NLGN1: variants seen among roughly 807,000 people sequenced by gnomAD.
NLGN1 encodes the protein neuroligin-1.
NLGN1 carries 12 observed loss-of-function variants against 65.5 expected under a neutral mutation model. The ratio of observed to expected loss-of-function variants is 0.18; its 90% confidence interval spans 0.12 to 0.30. The LOEUF is 0.30. Ranked by LOEUF, NLGN1 falls within the 10% of genes least tolerant of loss-of-function variation. NLGN1 has a pLI of 1.00. For missense variants in NLGN1, 750 were observed against 1,007.1 expected, an observed-to-expected ratio of 0.74 and a Z score of 3.46; for synonymous variants, 350 against 359.5, an observed-to-expected ratio of 0.97 and a Z score of 0.30.
intron 4 of NLGN1, among the ~76,000 whole-genome samples, chr3:174,141,251 A>C (rs530078380): frequency 3.1e-4 from 47 of 152,282 alleles, no homozygotes; most frequent in African/African-American, 1.1e-3. Flanking sequence ...TAACAGGAAT[A>C]GGATTATATC....
rs1167795390 is a variant in NLGN1 at position 173,415,919 on chromosome 3, GGA to G, written c.-390+17456_-390+17457del. On this transcript the variant is annotated intron_variant, in intron 1 of 6. Coordinates refer to ENST00000457714, the Ensembl canonical transcript of NLGN1. ...TATATATATATAGAGAGAGAGAGAGGGAGAGAGAGAGAGAGAGAGAGAGAGCT... is the reference window on the plus strand; with the variant it reads ...TATATATATATAGAGAGAGAGAGAGGGAGAGAGAGAGAGAGAGAGAGAGCT... 1.7e-3 allele frequency among the ~76,000 whole-genome samples: 216 copies of G among 125,042 alleles called. 1 individual carries two copies. The highest frequency in any genetic ancestry group is 2.0e-3 in the Non-Finnish European group (119 of 59,508). 82.0% of individuals were successfully genotyped at this position (125,042 alleles called of 152,430 possible).
At chr3:173,658,119 A>G (rs1197841098) in intron 3 of NLGN1, among the ~76,000 whole-genome samples, 2 of 151,996 alleles carry the variant, frequency 1.3e-5, no homozygotes, top group East Asian at 1.9e-4. Flanking sequence ...GACAGTCTAC[A>G]TTATTAGTAG....
At chr3:174,193,836 C>T (rs562454674) in intron 4 of NLGN1, among the ~76,000 whole-genome samples, 13 of 152,284 alleles carry the variant, frequency 8.5e-5, no homozygotes, top group East Asian at 3.9e-4. Flanking sequence ...TCTTCTCTGA[C>T]ATTGTTTAAA....
intron 2 of NLGN1, among the ~76,000 whole-genome samples, chr3:173,492,863 A>C (rs535309828): frequency 1.3e-5 from 2 of 151,938 alleles, no homozygotes; most frequent in African/African-American, 4.8e-5. Flanking sequence ...CCTATGCTTT[A>C]GGCTGAAAAT....
At position 173,937,619 on chromosome 3, in the gene NLGN1, C is replaced by T. The variant is rs562325788; in HGVS notation, c.646+129787C>T. Among the ~76,000 whole-genome samples the T allele has an allele frequency of 2.0e-5, 3 of 152,192 alleles. No individual in the cohort carries two copies. In the East Asian group the frequency reaches 5.8e-4, roughly 29 times the overall value. ...GCAGGAGAAAACATATAATCTGCAG[C>T]TTATCTATGCCATATCCCTTAGTAA... is the stretch of plus-strand genomic sequence containing the variant. On this transcript the variant is annotated intron_variant, in intron 4 of 6. Transcript: ENST00000457714.
rs114629274 is a variant in NLGN1, at chr3:173,959,263, A to G, written c.646+151431A>G. Among the ~76,000 whole-genome samples the G allele has an allele frequency of 2.7e-3, 411 of 152,334 alleles. 1 individual carries two copies. The highest frequency in any genetic ancestry group is 9.3e-3 in the African/African-American group (387 of 41,582). ...CTGCTCTGTGGAGCCCACAGCCCCA[A>G]CTGCTCCTTCCCACTGCAGCCAGTG... On this transcript the variant is annotated intron_variant, in intron 4 of 6. Transcript: ENST00000457714.
chr3:173,892,456 A>G (rs572181839), intron 4 of NLGN1, among the ~76,000 whole-genome samples: 2 of 152,108 alleles, frequency 1.3e-5, no homozygotes, highest in South Asian at 4.2e-4. Context: ...ATAGCCCTGT[A>G]AGGTAAGGAT....
intron 2 of NLGN1, among the ~76,000 whole-genome samples, chr3:173,540,261 A>G: frequency 6.6e-6 from 1 of 152,114 alleles, no homozygotes; most frequent in East Asian, 1.9e-4. Context: ...TGAATATGCT[A>G]GGTCATATGG....
rs34436890 is a variant in NLGN1, at chr3:173,578,235, C to CAAA, written c.-320-26032_-320-26030dup. On this transcript the variant is annotated intron_variant, in intron 2 of 6. Coordinates refer to ENST00000457714, the Ensembl canonical transcript of NLGN1. ...TGGGCGACAGGGCCAGACTCCGTCTCAAAAAAAAAAAAAAGAAGAAGAAGA... is the reference window on the plus strand; with the variant it reads ...TGGGCGACAGGGCCAGACTCCGTCTCAAAAAAAAAAAAAAAAAGAAGAAGAAGA... Among the ~76,000 whole-genome samples, 683 of 128,474 alleles carry CAAA rather than the reference C, an allele frequency of 5.3e-3. 2 individuals carry two copies. Among genetic ancestry groups the CAAA allele is most frequent in the African/African-American group, 0.016 (556 of 34,230 alleles). 84.3% of individuals were successfully genotyped at this position (128,474 alleles called of 152,430 possible).
At chr3:173,443,206 T>C (rs1323522083) in intron 2 of NLGN1, among the ~76,000 whole-genome samples, 1 of 151,426 alleles carries the variant, frequency 6.6e-6, no homozygotes, top group Admixed American at 6.6e-5. Context: ...GTCACTGCAC[T>C]CTAGCCTGGG....
At chr3:174,215,707 C>T (rs528655530) in intron 4 of NLGN1, among the ~76,000 whole-genome samples, 3 of 152,124 alleles carry the variant, frequency 2.0e-5, no homozygotes, top group South Asian at 2.1e-4. Context: ...TTCAAATGAA[C>T]GAGTCAGTAA....
At chr3:174,064,760 A>G (rs150160780) in intron 4 of NLGN1, among the ~76,000 whole-genome samples, 191 of 150,894 alleles carry the variant, frequency 1.3e-3, no homozygotes, top group African/African-American at 4.5e-3. Context: ...GGTTAGAAGT[A>G]AAAGAAATAG....
rs367737782 is a variant in NLGN1 at position 173,915,694 on chromosome 3, G to A, written c.646+107862G>A. Among the ~76,000 whole-genome samples, 23 of 152,266 alleles carry A rather than the reference G, an allele frequency of 1.5e-4. 1 individual carries two copies. In the East Asian group the frequency reaches 1.7e-3, roughly 12 times the overall value. ...TAAAGTAAGTTTGCTAGAAATAGTC[G>A]TGGGAACCCACAGTTTTAGAGGCTC... On this transcript the variant is annotated intron_variant, in intron 4 of 6. Transcript: ENST00000457714.
intron 1 of NLGN1, among the ~76,000 whole-genome samples, chr3:173,420,617 T>A (rs1276683771): frequency 6.6e-6 from 1 of 152,160 alleles, no homozygotes; most frequent in Non-Finnish European, 1.5e-5. Flanking sequence ...CTGGGTCAAA[T>A]GGTATTTCTA....
At chr3:174,151,074 C>G (rs979633980) in intron 4 of NLGN1, among the ~76,000 whole-genome samples, 2 of 151,768 alleles carry the variant, frequency 1.3e-5, no homozygotes, top group Non-Finnish European at 2.9e-5. Flanking sequence ...ATAATCCCCT[C>G]TTTCTCTTCT....
In NLGN1 at chr3:174,096,395, T is replaced by C. The variant is rs977791543; in HGVS notation, c.647-178920T>C. Reference sequence around the variant, plus strand: ...AAGTACAAATATAACCTAGTTATACTATAATAGTGTAAAACTTTCTAAAAT... The same window carrying C: ...AAGTACAAATATAACCTAGTTATACCATAATAGTGTAAAACTTTCTAAAAT... On this transcript the variant is annotated intron_variant, in intron 4 of 6. Transcript: ENST00000457714. Among the ~76,000 whole-genome samples, 5 of 152,126 alleles carry C rather than the reference T, an allele frequency of 3.3e-5. No individual in the cohort carries two copies. In the East Asian group the frequency reaches 7.7e-4, roughly 23 times the overall value.
chr3:174,021,506 A>T (rs898127164), intron 4 of NLGN1, among the ~76,000 whole-genome samples: 1 of 152,260 alleles, frequency 6.6e-6, no homozygotes, highest in Middle Eastern at 3.4e-3. Flanking sequence ...AAAAATTATA[A>T]TTTGGCCTCC....
chr3:173,612,092 TCTC>T (rs1449476040), intron 3 of NLGN1, among the ~76,000 whole-genome samples: 3 of 152,150 alleles, frequency 2.0e-5, no homozygotes, highest in East Asian at 1.9e-4. Context: ...TGAATACTCT[TCTC>T]CTTCTTCCTC....
At chr3:173,946,650 C>T (rs1230952564) in intron 4 of NLGN1, among the ~76,000 whole-genome samples, 1 of 152,072 alleles carries the variant, frequency 6.6e-6, no homozygotes, top group African/African-American at 2.4e-5. Context: ...TCTTTTATAT[C>T]GATTGCAAAC....
Sources: allele counts gnomAD v4.1 joint callset (sites outside exome capture counted in the v4.1 genomes callset), GRCh38; gene constraint gnomAD v4.1.1; transcripts MANE v1.5; gene names NCBI Gene and HGNC (gene_info 2026-07-23, HGNC 2026-07-21).